TMEM132C: variants seen among roughly 807,000 people sequenced by gnomAD.
TMEM132C encodes protein phosphatase 1, regulatory subunit 152.
In TMEM132C, 29 loss-of-function variants were observed where a neutral mutation model predicts 61.4. That is an observed-to-expected ratio of 0.47 (90% CI 0.35 to 0.64). The LOEUF (loss-of-function observed/expected upper bound fraction) is 0.64, where lower values mean the gene tolerates loss of function less well. Among genes scored for constraint, TMEM132C ranks in the 30% least tolerant of loss-of-function variants. The pLI, the probability that TMEM132C is intolerant of heterozygous loss-of-function variation, is 0.00. For missense variants in TMEM132C, 1,408 were observed against 1,476.9 expected (o/e 0.95, Z 0.76); for synonymous variants, 656 against 633.1 (o/e 1.04, Z -0.54).
chr12:128,554,682 T>G (rs1874276898), intron 3 of TMEM132C, among the ~76,000 whole-genome samples: 5 of 152,202 alleles, frequency 3.3e-5, no homozygotes, highest in Admixed American at 3.3e-4. Flanking sequence ...TTGGAGGGAC[T>G]TAGAAAGAAG....
rs530966418 is a variant in TMEM132C at position 128,584,299 on chromosome 12, A to G, written c.1122-31853A>G. ...TGAGAAACTTTCTGGAGTTCTATGC[A>G]TGAAAGTTGCAATATCACTGGAGGA... On this transcript the variant is annotated intron_variant, in intron 3 of 8. Coordinates refer to ENST00000435159, the MANE Select transcript of TMEM132C (RefSeq NM_001136103.3). Among the ~76,000 whole-genome samples the G allele has an allele frequency of 1.1e-4, 17 of 152,310 alleles. No homozygotes were observed. The East Asian group carries it at 1.7e-3, about 16-fold the overall frequency.
intron 2 of TMEM132C, among the ~76,000 whole-genome samples, chr12:128,525,671 C>A (rs1243825725): frequency 2.0e-5 from 3 of 152,268 alleles, no homozygotes; most frequent in Non-Finnish European, 2.9e-5. Context: ...CGGCCTTACC[C>A]CTGTCAAGCT....
chr12:128,558,518 A>G (rs1349110999), intron 3 of TMEM132C, among the ~76,000 whole-genome samples: 1 of 152,206 alleles, frequency 6.6e-6, no homozygotes, highest in Non-Finnish European at 1.5e-5. Flanking sequence ...GGCCTCCCCA[A>G]CCATGCTGAA....
intron 1 of TMEM132C, among the ~76,000 whole-genome samples, chr12:128,373,436 A>G (rs1302913462): frequency 1.3e-5 from 2 of 152,252 alleles, no homozygotes; most frequent in East Asian, 3.9e-4. Context: ...CAGGCCAATT[A>G]TCATTGCCTT....
chr12:128,623,108 G>A (rs887400498), intron 4 of TMEM132C, among the ~76,000 whole-genome samples: 2 of 152,108 alleles, frequency 1.3e-5, no homozygotes, highest in East Asian at 3.9e-4. Flanking sequence ...CCTTGGTAGC[G>A]ATGTTTGCAG....
At chr12:128,625,112 G>A (rs1436568281) in intron 4 of TMEM132C, among the ~76,000 whole-genome samples, 7 of 152,192 alleles carry the variant, frequency 4.6e-5, no homozygotes, top group African/African-American at 9.7e-5. Flanking sequence ...GAATCCACAC[G>A]GCTCTCTGAA....
At chr12:128,696,557 C>G (rs552974999) in intron 7 of TMEM132C, among the ~76,000 whole-genome samples, 5 of 152,332 alleles carry the variant, frequency 3.3e-5, no homozygotes, top group South Asian at 4.1e-4. Context: ...AACAAACTCT[C>G]TTTGAAATCC....
intron 5 of TMEM132C, among the ~76,000 whole-genome samples, chr12:128,675,557 C>T (rs527799338): frequency 6.6e-6 from 1 of 152,154 alleles, no homozygotes; most frequent in Admixed American, 6.5e-5. Context: ...ACTATATACC[C>T]TTTACTGAGG....
chr12:128,362,063 TATC>T (rs35497630), intron 1 of TMEM132C, among the ~76,000 whole-genome samples: 17,336 of 151,956 alleles, frequency 0.11, 1,146 homozygotes, highest in East Asian at 0.32. Context: ...TCTTTTTAGA[TATC>T]ATCAGCCACT....
At chr12:128,374,078 T>G (rs1049582189) in intron 1 of TMEM132C, among the ~76,000 whole-genome samples, 1 of 152,124 alleles carries the variant, frequency 6.6e-6, no homozygotes, top group African/African-American at 2.4e-5. Context: ...CTCCATGCTG[T>G]GTAAGACACG....
At chr12:128,471,134 C>T (rs942545401) in intron 2 of TMEM132C, among the ~76,000 whole-genome samples, 16 of 152,148 alleles carry the variant, frequency 1.1e-4, no homozygotes, top group African/African-American at 2.7e-4. Context: ...GAAGCATCCC[C>T]GCTTTGATCT....
At chr12:128,704,417 G>A (rs1593154963) in intron 8 of TMEM132C, among the ~76,000 whole-genome samples, 1 of 152,076 alleles carries the variant, frequency 6.6e-6, no homozygotes, top group Non-Finnish European at 1.5e-5. Flanking sequence ...ATTGAACCGG[G>A]CCCACCAGCC....
intron 2 of TMEM132C, among the ~76,000 whole-genome samples, chr12:128,418,346 G>A (rs999313362): frequency 1.3e-5 from 2 of 152,068 alleles, no homozygotes; most frequent in East Asian, 1.9e-4. Context: ...GGGATGTTAC[G>A]GACGGCGTAC....
At chr12:128,340,801 T>TTCTTTCTC (rs1281917557) in intron 1 of TMEM132C, among the ~76,000 whole-genome samples, 5,614 of 128,518 alleles carry the variant, frequency 0.044, 259 homozygotes, top group African/African-American at 0.16. Context: ...CTCTCTCTCT[T>TTCTTTCTC]TCTTTCTTTC....
intron 3 of TMEM132C, among the ~76,000 whole-genome samples, chr12:128,575,494 A>AG (rs1278858863): frequency 3.3e-5 from 5 of 151,958 alleles, no homozygotes; most frequent in African/African-American, 1.2e-4. Context: ...GAAAAAAAAA[A>AG]GAAAAAAAAG....
At chr12:128,310,737 C>T (rs938925998) in intron 1 of TMEM132C, among the ~76,000 whole-genome samples, 18 of 152,138 alleles carry the variant, frequency 1.2e-4, no homozygotes, top group Non-Finnish European at 2.5e-4. Context: ...CAAGCTATAT[C>T]TACCAGTGGG....
intron 1 of TMEM132C, among the ~76,000 whole-genome samples, chr12:128,356,726 C>T (rs559669278): frequency 3.9e-4 from 60 of 152,328 alleles, no homozygotes; most frequent in Middle Eastern, 6.8e-3. Flanking sequence ...GCCTCTAATT[C>T]GGTTGTAATG....
At chr12:128,677,497 G>A (rs529732343) in intron 5 of TMEM132C, among the ~76,000 whole-genome samples, 84 of 152,178 alleles carry the variant, frequency 5.5e-4, no homozygotes, top group Admixed American at 7.8e-4. Context: ...GGATGGGGTG[G>A]TCCTCAAGGA....
Position 128,552,921 on chromosome 12 carries a change from CAAAA to C in TMEM132C, c.1121+8824_1121+8827del, listed in dbSNP as rs376996076. 2.6e-4 allele frequency among the ~76,000 whole-genome samples: 39 copies of C among 147,726 alleles called. 1 individual carries two copies. The South Asian group carries it at 5.5e-3, about 21-fold the overall frequency. On this transcript the variant is annotated intron_variant, in intron 3 of 8. Transcript: ENST00000435159. ...AGACTCTGTCTCAAAAACAAACAAA[CAAAA>C]AAAAAGCATAAAAATCCTATTGAAG...
Sources: allele counts gnomAD v4.1 joint callset (sites outside exome capture counted in the v4.1 genomes callset), GRCh38; gene constraint gnomAD v4.1.1; transcripts MANE v1.5; gene names NCBI Gene and HGNC (gene_info 2026-07-23, HGNC 2026-07-21).